The following KIAA1217 variants were observed in gnomAD, a reference collection of about 807,000 sequenced individuals.
The protein encoded by KIAA1217 is sickle tail protein homolog.
Under a neutral mutation model 163.9 loss-of-function variants are expected in KIAA1217, and 88 were observed. The ratio of observed to expected loss-of-function variants is 0.54; its 90% CI spans 0.45 to 0.64. KIAA1217 has a LOEUF of 0.64. Among genes scored for constraint, KIAA1217 ranks in the 30% least tolerant of loss-of-function variants. The pLI, the probability that KIAA1217 is intolerant of heterozygous loss-of-function variation, is 0.00. For synonymous variants in KIAA1217, 903 were observed against 923.1 expected, an observed-to-expected ratio of 0.98 and a Z score of 0.39; for missense variants, 2,372 against 2,475.0, an observed-to-expected ratio of 0.96 and a Z score of 0.88.
intron 3 of KIAA1217, among the ~76,000 whole-genome samples, chr10:24,415,542 A>C (rs950342674): frequency 2.6e-5 from 4 of 152,174 alleles, no homozygotes; most frequent in Admixed American, 2.0e-4. Flanking sequence ...ACATTAGATA[A>C]GCCTTACAAA....
At chr10:24,269,312 C>G (rs895589165) in intron 2 of KIAA1217, among the ~76,000 whole-genome samples, 6 of 151,336 alleles carry the variant, frequency 4.0e-5, no homozygotes, top group Non-Finnish European at 5.9e-5. Context: ...CACTGGAGGC[C>G]AGGAGTTTGA....
intron 1 of KIAA1217, among the ~76,000 whole-genome samples, chr10:23,974,106 A>G (rs1845438699): frequency 6.6e-6 from 1 of 152,242 alleles, no homozygotes; most frequent in Admixed American, 6.5e-5. Flanking sequence ...GTAGAGGACT[A>G]GTTCTTAGCT....
chr10:24,352,977 G>C (rs1034688063), intron 2 of KIAA1217, among the ~76,000 whole-genome samples: 2 of 152,016 alleles, frequency 1.3e-5, no homozygotes, highest in Non-Finnish European at 2.9e-5. Context: ...CAGTGCTGGA[G>C]AGCAAAAAGA....
At chr10:24,513,851 A>G (rs2134296699) in intron 10 of KIAA1217, among the ~76,000 whole-genome samples, 1 of 152,230 alleles carries the variant, frequency 6.6e-6, no homozygotes, top group African/African-American at 2.4e-5. Context: ...AGCAACACAC[A>G]AAATTAAAAG....
chr10:24,407,285 T>TGTGCGC (rs1554851892), intron 3 of KIAA1217, among the ~76,000 whole-genome samples: 2 of 148,830 alleles, frequency 1.3e-5, no homozygotes, highest in African/African-American at 5.1e-5. Flanking sequence ...TGTGTGTGTG[T>TGTGCGC]GCGTGCGTGT....
chr10:23,827,648 G>T (rs1837961347), intron 1 of KIAA1217, among the ~76,000 whole-genome samples: 1 of 152,298 alleles, frequency 6.6e-6, no homozygotes, highest in African/African-American at 2.4e-5. Context: ...CCCTCCAGCA[G>T]AACTATCTGG....
chr10:24,245,214 TG>T (rs1362882446), intron 2 of KIAA1217, among the ~76,000 whole-genome samples: 8 of 152,122 alleles, frequency 5.3e-5, no homozygotes, highest in Admixed American at 5.2e-4. Flanking sequence ...GCAACAAACG[TG>T]GTAATGGTGT....
At position 24,524,309 on chromosome 10, in the gene KIAA1217, A is replaced by G. The variant is rs1255998222; in HGVS notation, c.2457-14A>G. ...GACATGAGGGTTAATGCCGCTGTGC[A>G]TGGTTTCTCCTAGACATGTCACTGA... On this transcript the variant is annotated splice_polypyrimidine_tract_variant and intron_variant, in intron 12 of 20. Transcript: ENST00000376454. 1.3e-6 allele frequency: 2 copies of G among 1,598,706 alleles called. No individual in the cohort carries two copies. The highest frequency in any genetic ancestry group is 2.3e-5 in the East Asian group (1 of 44,414).
At chr10:24,114,076 G>T (rs1391486656) in intron 2 of KIAA1217, among the ~76,000 whole-genome samples, 1 of 152,152 alleles carries the variant, frequency 6.6e-6, no homozygotes, top group African/African-American at 2.4e-5. Flanking sequence ...CAACATGGAT[G>T]CATCCTGTAC....
At chr10:24,066,428 C>A (rs573463968) in intron 2 of KIAA1217, among the ~76,000 whole-genome samples, 2 of 152,292 alleles carry the variant, frequency 1.3e-5, no homozygotes, top group Non-Finnish European at 2.9e-5. Context: ...ATATGAAATT[C>A]TGGGTTGAAA....
rs182125348 is a variant in KIAA1217, at chr10:24,241,551, T to C, written c.354+21642T>C. ...ATACAAGTAGAGTCGGATTTTAATG[T>C]TACAGGTATTTTCGGAGTGAGAACC... On this transcript the variant is annotated intron_variant, in intron 2 of 20. Coordinates refer to ENST00000376454, the MANE Select transcript of KIAA1217 (RefSeq NM_019590.5). Among the ~76,000 whole-genome samples, 292 of 152,250 alleles carry C rather than the reference T, an allele frequency of 1.9e-3. 2 individuals are homozygous for C. The highest frequency in any genetic ancestry group is 6.9e-3 in the African/African-American group (288 of 41,562).
At chr10:24,330,063 G>T (rs1377747343) in intron 2 of KIAA1217, among the ~76,000 whole-genome samples, 1 of 152,260 alleles carries the variant, frequency 6.6e-6, no homozygotes, top group East Asian at 1.9e-4. Flanking sequence ...ACTTTGGGAG[G>T]CCGAGGCAGG....
intron 2 of KIAA1217, among the ~76,000 whole-genome samples, chr10:24,108,084 G>T (rs2062700564): frequency 6.6e-6 from 1 of 152,198 alleles, no homozygotes; most frequent in Non-Finnish European, 1.5e-5. Flanking sequence ...AAGTAGCCAA[G>T]AAGGTTCCAG....
intron 1 of KIAA1217, among the ~76,000 whole-genome samples, chr10:23,927,616 T>G (rs1469382578): frequency 1.3e-5 from 2 of 152,102 alleles, no homozygotes; most frequent in Non-Finnish European, 2.9e-5. Context: ...GACAAAATGG[T>G]GATGCACTAG....
At chr10:24,307,618 A>T (rs1015634576) in intron 2 of KIAA1217, among the ~76,000 whole-genome samples, 1 of 151,948 alleles carries the variant, frequency 6.6e-6, no homozygotes. Context: ...TCTCCAAAAA[A>T]AAAAAAAAAA....
chr10:24,377,460 A>G (rs948187719), intron 2 of KIAA1217, among the ~76,000 whole-genome samples: 12 of 152,202 alleles, frequency 7.9e-5, no homozygotes, highest in African/African-American at 2.9e-4. Flanking sequence ...TAGGCCATGC[A>G]TGACTGAGAA....
At chr10:23,940,474 A>G (rs1468463831) in intron 1 of KIAA1217, among the ~76,000 whole-genome samples, 1 of 150,240 alleles carries the variant, frequency 6.7e-6, no homozygotes, top group East Asian at 1.9e-4. Context: ...AAAAAAAAAA[A>G]AAAAAAAAAA....
intron 2 of KIAA1217, among the ~76,000 whole-genome samples, chr10:24,358,469 G>C (rs1285129771): frequency 1.3e-5 from 2 of 152,230 alleles, no homozygotes; most frequent in Non-Finnish European, 2.9e-5. Context: ...TTGTGAATGT[G>C]ATACCAGTCC....
chr10:24,138,948 T>G (rs569099199), intron 2 of KIAA1217, among the ~76,000 whole-genome samples: 30 of 152,186 alleles, frequency 2.0e-4, no homozygotes, highest in Non-Finnish European at 4.1e-4. Context: ...GTGTCTAATT[T>G]TTTAATAAGG....
Sources: gnomAD v4.1 joint callset for allele counts (sites outside exome capture counted in the v4.1 genomes callset) on GRCh38, gnomAD v4.1.1 for gene constraint, MANE v1.5 for transcripts, NCBI Gene and HGNC (gene_info 2026-07-23, HGNC 2026-07-21) for gene names.